The following CDK14 variants were observed in gnomAD, a reference collection of about 807,000 sequenced individuals.
The protein encoded by CDK14 is cyclin-dependent kinase 14.
Under a neutral mutation model 60.7 loss-of-function variants are expected in CDK14, and 34 were observed. That is an observed-to-expected ratio of 0.56 (90% CI 0.43 to 0.75). The LOEUF is 0.75. Among genes scored for constraint, CDK14 ranks in the 30% least tolerant of loss-of-function variants. The pLI is 0.00. For missense variants in CDK14, 482 were observed against 564.1 expected (o/e 0.85, Z 1.47); for synonymous variants, 197 against 203.7 (o/e 0.97, Z 0.28).
chr7:90,965,041 T>C (rs1164624764), intron 9 of CDK14, among the ~76,000 whole-genome samples: 2 of 152,176 alleles, frequency 1.3e-5, no homozygotes, highest in Non-Finnish European at 2.9e-5. Context: ...TTCCATTTAC[T>C]TTTTTTACGT....
chr7:91,180,545 A>G (rs1310153558), intron 14 of CDK14, among the ~76,000 whole-genome samples: 2 of 152,200 alleles, frequency 1.3e-5, no homozygotes, highest in South Asian at 2.1e-4. Context: ...ATTGAGTAGG[A>G]TTACGGGCGA....
intron 4 of CDK14, among the ~76,000 whole-genome samples, chr7:90,764,550 G>A (rs754308507): frequency 5.9e-5 from 9 of 152,122 alleles, no homozygotes; most frequent in Non-Finnish European, 8.8e-5. Flanking sequence ...AAAAATCTAG[G>A]ATTGCAATTT....
chr7:91,198,815 A>G (rs1041999084), intron 14 of CDK14, among the ~76,000 whole-genome samples: 98 of 152,364 alleles, frequency 6.4e-4, no homozygotes, highest in African/African-American at 2.3e-3. Flanking sequence ...GCTGCAATAC[A>G]TTGGATAATA....
At chr7:90,750,615 G>A (rs1425803057) in intron 4 of CDK14, among the ~76,000 whole-genome samples, 2 of 152,200 alleles carry the variant, frequency 1.3e-5, no homozygotes, top group Non-Finnish European at 2.9e-5. Context: ...GCTCACACTT[G>A]TAATCCCAGC....
At chr7:90,773,227 T>TAC (rs1804860917) in intron 4 of CDK14, among the ~76,000 whole-genome samples, 1 of 152,186 alleles carries the variant, frequency 6.6e-6, no homozygotes, top group Admixed American at 6.5e-5. Context: ...GAGTGTGGAC[T>TAC]ACACACCTTT....
intron 12 of CDK14, among the ~76,000 whole-genome samples, chr7:91,101,003 A>G (rs1367961757): frequency 6.6e-6 from 1 of 150,632 alleles, no homozygotes; most frequent in East Asian, 2.0e-4. Flanking sequence ...GTAGATTCGT[A>G]TGATTATTCA....
Position 91,019,276 on chromosome 7 carries a change from A to G in CDK14, c.1042-26621A>G, listed in dbSNP as rs536141763. ...CTTGCTCCTGTGAATGGACAGCTCC[A>G]TTCAACTAATGGCTTCCTGGGACTA... is the stretch of plus-strand genomic sequence containing the variant. On this transcript the variant is annotated intron_variant, in intron 10 of 14. Transcript: ENST00000380050. Among the ~76,000 whole-genome samples, 211 of 152,302 alleles carry G rather than the reference A, an allele frequency of 1.4e-3. 2 individuals are homozygous for G. Among genetic ancestry groups the G allele is most frequent in the Non-Finnish European group, 1.6e-3 (107 of 68,020 alleles).
At chr7:90,996,390 A>G (rs1031337473) in intron 10 of CDK14, among the ~76,000 whole-genome samples, 2 of 152,202 alleles carry the variant, frequency 1.3e-5, no homozygotes, top group Non-Finnish European at 2.9e-5. Flanking sequence ...TCTCTTGCCC[A>G]ACGCCCTGCA....
intron 10 of CDK14, among the ~76,000 whole-genome samples, chr7:91,020,893 A>T (rs1260431353): frequency 6.6e-6 from 1 of 152,130 alleles, no homozygotes; most frequent in African/African-American, 2.4e-5. Flanking sequence ...AGAACTTGGA[A>T]TCCTCTTTCA....
intron 2 of CDK14, among the ~76,000 whole-genome samples, chr7:90,604,817 G>A (rs938649324): frequency 6.6e-6 from 1 of 152,214 alleles, no homozygotes; most frequent in Non-Finnish European, 1.5e-5. Context: ...CATCCTGAAT[G>A]TGATTTTAAA....
At chr7:90,771,705 A>G (rs187758706) in intron 4 of CDK14, among the ~76,000 whole-genome samples, 30 of 152,324 alleles carry the variant, frequency 2.0e-4, no homozygotes, top group East Asian at 1.3e-3. Context: ...CCTGGGACCA[A>G]TCAGGAGCTG....
At chr7:90,818,478 A>T (rs557130409) in intron 5 of CDK14, among the ~76,000 whole-genome samples, 3 of 152,332 alleles carry the variant, frequency 2.0e-5, no homozygotes, top group African/African-American at 7.2e-5. Flanking sequence ...CTGAGGAATC[A>T]CTGGCAGTTT....
chr7:90,895,641 A>T (rs1312815030), intron 6 of CDK14, among the ~76,000 whole-genome samples: 5 of 139,608 alleles, frequency 3.6e-5, no homozygotes, highest in African/African-American at 5.4e-5. Flanking sequence ...ACTCACTGCA[A>T]CCTCCGTCTC....
Position 90,681,380 on chromosome 7 carries a change from C to T in CDK14, c.124-45187C>T, listed in dbSNP as rs75458944. On this transcript the variant is annotated intron_variant, in intron 2 of 14. Coordinates refer to ENST00000380050, the MANE Select transcript of CDK14 (RefSeq NM_001287135.2). ...TTGAGACAAATATTTCCATTACAGG[C>T]TTGGTGGAGGTGACTCCATTTAGGT... Among the ~76,000 whole-genome samples the T allele has an allele frequency of 9.8e-3, 1,494 of 152,246 alleles. 24 individuals carry two copies. The highest frequency in any genetic ancestry group is 0.033 in the African/African-American group (1,369 of 41,548).
At chr7:90,802,525 G>A (rs1008481479) in intron 5 of CDK14, among the ~76,000 whole-genome samples, 2 of 152,166 alleles carry the variant, frequency 1.3e-5, no homozygotes, top group Non-Finnish European at 2.9e-5. Context: ...TTAATAAATA[G>A]TGACCAGAAA....
At chr7:91,178,339 A>T (rs1801853569) in intron 14 of CDK14, among the ~76,000 whole-genome samples, 1 of 133,398 alleles carries the variant, frequency 7.5e-6, no homozygotes, top group Non-Finnish European at 1.6e-5. Flanking sequence ...TAAACGTTAG[A>T]CCTAAAACCA....
intron 6 of CDK14, among the ~76,000 whole-genome samples, chr7:90,890,359 A>G (rs1792076195): frequency 6.6e-6 from 1 of 152,220 alleles, no homozygotes; most frequent in African/African-American, 2.4e-5. Flanking sequence ...GGTGACAGAG[A>G]GAGACCCTGT....
chr7:90,715,573 G>A (rs1168630115), intron 2 of CDK14, among the ~76,000 whole-genome samples: 1 of 151,354 alleles, frequency 6.6e-6, no homozygotes, highest in Non-Finnish European at 1.5e-5. Flanking sequence ...AGAACCCAAG[G>A]CAAAACCTAA....
At chr7:91,144,965 CTAAGGAT>C (rs1800580515) in intron 14 of CDK14, among the ~76,000 whole-genome samples, 1 of 152,164 alleles carries the variant, frequency 6.6e-6, no homozygotes. Flanking sequence ...CTGTTCCTTC[CTAAGGAT>C]TTGAACACTC....
Sources: gnomAD v4.1 joint callset for allele counts (sites outside exome capture counted in the v4.1 genomes callset) on GRCh38, gnomAD v4.1.1 for gene constraint, MANE v1.5 for transcripts, NCBI Gene and HGNC (gene_info 2026-07-23, HGNC 2026-07-21) for gene names.